Variants in ABCA8 observed in about 807,000 individuals in gnomAD.
The protein encoded by ABCA8 is ABC-type organic anion transporter ABCA8.
ABCA8 carries 177 observed loss-of-function variants against 192.3 expected under a neutral mutation model. The observed-to-expected ratio is 0.92, with a 90% CI of 0.81 to 1.04. The LOEUF (loss-of-function observed/expected upper bound fraction) is 1.04, where lower values mean the gene tolerates loss of function less well. ABCA8 is among the 50% of genes least tolerant of loss of function. The probability of loss-of-function intolerance (pLI) is 0.00; values close to 1 mark genes in which losing one functional copy is unlikely to be tolerated. For synonymous variants in ABCA8, 642 were observed against 690.2 expected (o/e 0.93, Z 1.09); for missense variants, 1,915 against 1,904.8 (o/e 1.01, Z -0.10).
At chr17:68,869,836 T>C (rs2066001594) in intron 37 of ABCA8, 57 bp from the exon 38 acceptor site, 1 of 1,140,578 alleles carries the variant, frequency 8.8e-7, no homozygotes, top group Non-Finnish European at 1.3e-6. Flanking sequence ...TGTGAACTGA[T>C]GGCAATCATC....
intron 24 of ABCA8, among the ~76,000 whole-genome samples, chr17:68,890,145 G>A (rs2143374388): frequency 6.6e-6 from 1 of 152,288 alleles, no homozygotes; most frequent in African/African-American, 2.4e-5. Flanking sequence ...TTTGCGAAGT[G>A]ATTGTACAAT....
At chr17:68,884,747 C>G (rs1280641420) in intron 27 of ABCA8, 11 of 1,058,362 alleles carry the variant, frequency 1.0e-5, no homozygotes, top group Middle Eastern at 4.2e-4. Flanking sequence ...CTTCCTTTCC[C>G]CTTCCCATAG....
chr17:68,894,245 A>G lies in ABCA8; in HGVS notation c.2964T>C (p.Ile988=). The change falls in exon 23 of 40, where the codon ATT becomes ATC. Residue 988 remains isoleucine, a synonymous_variant. Coordinates refer to ENST00000586539, the MANE Select transcript of ABCA8 (RefSeq NM_001288985.2). ...CCATTCCAAGTAGCCCATTACTAACAATGTCCATAAGAACTGGGAAGCAAT... is the reference window on the plus strand; with the variant it reads ...CCATTCCAAGTAGCCCATTACTAACGATGTCCATAAGAACTGGGAAGCAAT... The part of the protein sequence containing the change: ...RLNCFPVLMD[I]VSNGLLGMVK... The G allele has an allele frequency of 6.2e-7, 1 of 1,613,150 alleles. No individual in the cohort carries two copies. Among genetic ancestry groups the G allele is most frequent in the South Asian group, 1.1e-5 (1 of 91,006 alleles).
chr17:68,904,190 G>A (rs1172516959), intron 19 of ABCA8, among the ~76,000 whole-genome samples: 1 of 151,784 alleles, frequency 6.6e-6, no homozygotes, highest in Non-Finnish European at 1.5e-5. Flanking sequence ...GCTGAGGCAG[G>A]AGAATGGCGT....
intron 24 of ABCA8, among the ~76,000 whole-genome samples, chr17:68,890,604 C>T (rs919195042): frequency 2.0e-5 from 3 of 152,224 alleles, no homozygotes; most frequent in South Asian, 2.1e-4. Context: ...CTGCAACCTC[C>T]GCAGTCCAGG....
intron 27 of ABCA8, 26 bp downstream of exon 27, chr17:68,885,170 C>G: frequency 2.5e-6 from 4 of 1,602,928 alleles, no homozygotes; most frequent in African/African-American, 1.3e-5. Flanking sequence ...TTTCAAGGGA[C>G]TGGGACAGAC....
intron 1 of ABCA8, among the ~76,000 whole-genome samples, chr17:68,953,710 G>A (rs561894568): frequency 1.3e-5 from 2 of 151,872 alleles, no homozygotes; most frequent in East Asian, 3.9e-4. Context: ...GCTGTGCAAG[G>A]CTCTCCTTAC....
chr17:68,902,652 G>A (rs1019009977), intron 21 of ABCA8, 61 bp downstream of exon 21: 6 of 1,336,040 alleles, frequency 4.5e-6, no homozygotes, highest in Non-Finnish European at 6.0e-6. Flanking sequence ...TCATGGTTAT[G>A]TTTTCTAAGT....
At position 68,876,394 on chromosome 17, in the gene ABCA8, G is replaced by A. The variant is rs868434203; in HGVS notation, c.4370+66C>T. The A allele has an allele frequency of 1.4e-5, 22 of 1,599,844 alleles. No homozygotes were observed. The African/African-American group carries it at 2.4e-4, about 18-fold the overall frequency. The stretch of plus-strand genomic sequence containing the variant: ...AGTTTAAGGGACAATTTTTACAGAA[G>A]AAAAATGGTTCACAGGCTCCATGCA... On this transcript the variant is annotated intron_variant, in intron 35 of 39. Transcript: ENST00000586539.
At chr17:68,880,829 G>C (rs1351524924) in intron 32 of ABCA8, 1 of 414,868 alleles carries the variant, frequency 2.4e-6, no homozygotes, top group Non-Finnish European at 4.5e-6. Context: ...GCAGCCTGCT[G>C]AGCTGAGTGG....
At chr17:68,938,046 G>C (rs538629043) in intron 4 of ABCA8, among the ~76,000 whole-genome samples, 1 of 152,248 alleles carries the variant, frequency 6.6e-6, no homozygotes, top group Admixed American at 6.5e-5. Flanking sequence ...ATTGGGTCTT[G>C]TTATGGACGT....
intron 2 of ABCA8, among the ~76,000 whole-genome samples, chr17:68,945,189 A>C (rs1380334611): frequency 6.6e-6 from 1 of 152,182 alleles, no homozygotes; most frequent in Non-Finnish European, 1.5e-5. Flanking sequence ...TCAGAGCCAA[A>C]TTATTTACAA....
intron 23 of ABCA8, among the ~76,000 whole-genome samples, chr17:68,893,229 A>G (rs1051091240): frequency 2.0e-5 from 3 of 152,230 alleles, no homozygotes; most frequent in African/African-American, 2.4e-5. Context: ...TTAAAAATAC[A>G]TGATCTATGT....
intron 23 of ABCA8, among the ~76,000 whole-genome samples, chr17:68,892,442 C>T (rs562602226): frequency 1.3e-5 from 2 of 152,028 alleles, no homozygotes; most frequent in African/African-American, 4.8e-5. Flanking sequence ...TCTGACTTTG[C>T]GGGCAATGAG....
intron 2 of ABCA8, among the ~76,000 whole-genome samples, chr17:68,947,855 C>T (rs181670773): frequency 4.9e-4 from 74 of 152,188 alleles, no homozygotes; most frequent in East Asian, 5.8e-4. Flanking sequence ...TTTTAAGCCC[C>T]GCACGCATTA....
chr17:68,924,980 G>A (rs2067657657), intron 10 of ABCA8, 111 bp from the exon 11 acceptor site: 8 of 1,107,054 alleles, frequency 7.2e-6, no homozygotes, highest in Non-Finnish European at 1.0e-5. Context: ...CTGAACATGT[G>A]GTCAACAGCA....
intron 7 of ABCA8, 106 bp downstream of exon 7, chr17:68,932,182 C>G (rs2067910500): frequency 2.4e-6 from 2 of 846,290 alleles, no homozygotes; most frequent in Admixed American, 5.4e-5. Context: ...TGCACTCCAG[C>G]CTGGGCGACA....
chr17:68,920,761 ACG>A (rs1231659524), intron 13 of ABCA8, among the ~76,000 whole-genome samples: 1 of 152,080 alleles, frequency 6.6e-6, no homozygotes, highest in Non-Finnish European at 1.5e-5. Context: ...GGGACTGTAA[ACG>A]AGTTCAACCA....
intron 17 of ABCA8, among the ~76,000 whole-genome samples, chr17:68,910,154 C>T (rs2067196951): frequency 6.6e-6 from 1 of 152,108 alleles, no homozygotes; most frequent in Non-Finnish European, 1.5e-5. Flanking sequence ...CAAGGAAGCA[C>T]CTTCATAAGA....
Sources: allele counts gnomAD v4.1 joint callset (sites outside exome capture counted in the v4.1 genomes callset), GRCh38; gene constraint gnomAD v4.1.1; transcripts MANE v1.5; gene names NCBI Gene and HGNC (gene_info 2026-07-23, HGNC 2026-07-21).